Variants in ABCB1 observed in about 807,000 individuals in gnomAD.
The protein encoded by ABCB1 is ATP binding cassette subfamily B member 1, also known as ATP-dependent translocase ABCB1.
Under a neutral mutation model 142.0 loss-of-function variants are expected in ABCB1, and 69 were observed. The ratio of observed to expected loss-of-function variants is 0.49; its 90% confidence interval spans 0.40 to 0.59. The LOEUF is 0.59. ABCB1 is among the 20% of genes least tolerant of loss of function. ABCB1 has a pLI of 0.00. For synonymous variants in ABCB1, 532 were observed against 539.2 expected, an observed-to-expected ratio of 0.99 and a Z score of 0.18; for missense variants, 1,326 against 1,554.7, an observed-to-expected ratio of 0.85 and a Z score of 2.47.
chr7:87,682,509 T>C (rs1268333577), intron 1 of ABCB1, among the ~76,000 whole-genome samples: 1 of 152,218 alleles, frequency 6.6e-6, no homozygotes, highest in Non-Finnish European at 1.5e-5. Context: ...GGCTACAGAT[T>C]GGATGTTGTG....
chr7:87,600,070 C>T (rs200219516), intron 2 of ABCB1, 47 bp downstream of exon 2: 21 of 1,526,012 alleles, frequency 1.4e-5, no homozygotes, highest in Non-Finnish European at 1.9e-5. Context: ...ATAAATTACT[C>T]AAATCTCGCA....
At chr7:87,530,757 A>G (rs550510927) in intron 21 of ABCB1, among the ~76,000 whole-genome samples, 391 of 151,706 alleles carry the variant, frequency 2.6e-3, no homozygotes, top group African/African-American at 8.9e-3. Context: ...TACTTTCCTC[A>G]ATAAAGGAAT....
At chr7:87,627,289 A>G (rs1269922622) in intron 1 of ABCB1, among the ~76,000 whole-genome samples, 1 of 152,190 alleles carries the variant, frequency 6.6e-6, no homozygotes. Flanking sequence ...AGAAAAATAG[A>G]GATAGCCACA....
intron 1 of ABCB1, chr7:87,650,848 G>C (rs753998778): frequency 1.2e-6 from 2 of 1,610,962 alleles, no homozygotes; most frequent in Non-Finnish European, 1.7e-6. Flanking sequence ...CTGATTGATC[G>C]GTCTTGCTTT....
rs760977802 is a variant in ABCB1, at chr7:87,544,259, G to A, written c.2081C>T (p.Pro694Leu). Residue 694 changes from proline (P) to leucine (L), a missense_variant, in exon 17 of 28, where the codon CCA becomes CTA. Transcript: ENST00000622132. The stretch of plus-strand genomic sequence containing the variant: ...CTTCATAATCCTCCAAAAGGAAACT[G>A]GAGGTATACTTTCATCCTAGAAAAC... ...TKEALDESIPPVSFWRIMKLN... is the reference protein window; with the variant it reads ...TKEALDESIPLVSFWRIMKLN... The A allele has an allele frequency of 1.9e-6, 3 of 1,612,996 alleles. No individual in the cohort carries two copies.
At chr7:87,701,976 T>C (rs1398958147) in intron 1 of ABCB1, among the ~76,000 whole-genome samples, 1 of 151,678 alleles carries the variant, frequency 6.6e-6, no homozygotes, top group Non-Finnish European at 1.5e-5. Context: ...ACCCCGTCTC[T>C]ACTGAAAATA....
chr7:87,595,894 AT>A, intron 2 of ABCB1, 80 bp from the exon 3 acceptor site: 1 of 1,098,452 alleles, frequency 9.1e-7, no homozygotes, highest in Non-Finnish European at 1.4e-6. Context: ...TAGAATGTAT[AT>A]TTAATGACTA....
chr7:87,588,834 T>C (rs553350688), intron 3 of ABCB1, among the ~76,000 whole-genome samples: 2 of 152,368 alleles, frequency 1.3e-5, no homozygotes, highest in South Asian at 4.1e-4. Context: ...TACTTTGTAA[T>C]AATAGCCATT....
At chr7:87,519,547 G>A (rs1815400757) in intron 22 of ABCB1, 81 bp from the exon 23 acceptor site, 1 of 1,554,506 alleles carries the variant, frequency 6.4e-7, no homozygotes, top group East Asian at 2.3e-5. Context: ...TTGGCAGTAG[G>A]GCACAGAGGC....
intron 7 of ABCB1, among the ~76,000 whole-genome samples, chr7:87,565,226 T>C (rs1449106375): frequency 6.6e-6 from 1 of 152,248 alleles, no homozygotes; most frequent in Non-Finnish European, 1.5e-5. Context: ...TTATTTTGTG[T>C]GATGCTTGGT....
At chr7:87,613,762 A>G (rs1313065349) in intron 1 of ABCB1, among the ~76,000 whole-genome samples, 1 of 152,202 alleles carries the variant, frequency 6.6e-6, no homozygotes, top group Admixed American at 6.5e-5. Context: ...TACCTGGGCC[A>G]TGGGATCTTT....
At chr7:87,687,418 A>T (rs1180035504) in intron 1 of ABCB1, among the ~76,000 whole-genome samples, 3 of 152,106 alleles carry the variant, frequency 2.0e-5, no homozygotes, top group Admixed American at 6.5e-5. Context: ...TTTCAACCTC[A>T]AGCACTCCTG....
At chr7:87,561,213 T>C in intron 8 of ABCB1, 50 bp downstream of exon 8, 2 of 1,606,636 alleles carry the variant, frequency 1.2e-6, no homozygotes. Flanking sequence ...GAAGGGCATT[T>C]GAGAAGACAG....
chr7:87,627,310 T>C (rs1820723008), intron 1 of ABCB1, among the ~76,000 whole-genome samples: 2 of 152,182 alleles, frequency 1.3e-5, no homozygotes, highest in Non-Finnish European at 2.9e-5. Flanking sequence ...CAAAACTATA[T>C]ATTCTCTGAC....
chr7:87,679,993 A>G (rs553168071), intron 1 of ABCB1, among the ~76,000 whole-genome samples: 1 of 150,620 alleles, frequency 6.6e-6, no homozygotes, highest in East Asian at 2.0e-4. Context: ...TGTCACCTAC[A>G]TTAGGTATTT....
chr7:87,519,870 TG>T (rs1298294010), intron 22 of ABCB1, among the ~76,000 whole-genome samples: 1 of 152,216 alleles, frequency 6.6e-6, no homozygotes, highest in Non-Finnish European at 1.5e-5. Context: ...GCAGGGGCCA[TG>T]ATGGGTTGAC....
intron 1 of ABCB1, among the ~76,000 whole-genome samples, chr7:87,639,767 C>T (rs1822238404): frequency 6.6e-6 from 1 of 151,834 alleles, no homozygotes; most frequent in Admixed American, 6.6e-5. Context: ...TTTACTTTTG[C>T]TCTTTCTGGG....
chr7:87,536,424 T>C, intron 20 of ABCB1, 34 bp downstream of exon 20: 1 of 1,610,352 alleles, frequency 6.2e-7, no homozygotes, highest in Non-Finnish European at 8.5e-7. Context: ...AAATGGCCAA[T>C]TAAGACAAAC....
In ABCB1 at chr7:87,504,009, A is replaced by G. The variant is rs1001549346; in HGVS notation, c.*234T>C. On this transcript the variant is annotated 3_prime_UTR_variant, in exon 28 of 28. Coordinates refer to ENST00000622132, the MANE Select transcript of ABCB1 (RefSeq NM_001348946.2). ...TTACACATTTTATCTTTTAAAATCT[A>G]CTTTAATTCTGTTATAAAATTTATA... is the stretch of plus-strand genomic sequence containing the variant. The G allele has an allele frequency of 1.0e-5, 6 of 581,336 alleles. No individual in the cohort carries two copies. Among genetic ancestry groups the G allele is most frequent in the Non-Finnish European group, 1.5e-5 (5 of 332,478 alleles). The allele number at this position is 581,336 out of a possible 1,614,324, so 36.0% of individuals were successfully genotyped here. A position where few individuals can be genotyped will look rare whatever the true frequency, so the allele number is the denominator to read the frequency against.
Sources: allele counts gnomAD v4.1 joint callset (sites outside exome capture counted in the v4.1 genomes callset), GRCh38; gene constraint gnomAD v4.1.1; transcripts MANE v1.5; gene names NCBI Gene and HGNC (gene_info 2026-07-23, HGNC 2026-07-21).